MCTP2: variants seen among roughly 807,000 people sequenced by gnomAD.
The protein encoded by MCTP2 is multiple C2 and transmembrane domain containing 2, also known as multiple C2 and transmembrane domain-containing protein 2.
MCTP2 carries 132 observed loss-of-function variants against 111.6 expected under a neutral mutation model. The observed-to-expected ratio is 1.18, with a 90% CI of 1.03 to 1.37. The LOEUF (loss-of-function observed/expected upper bound fraction) is 1.37. Ranked by LOEUF, MCTP2 falls within the 40% of genes most tolerant of loss-of-function variation. MCTP2 has a pLI of 0.00. For missense variants in MCTP2, 1,183 were observed against 1,067.9 expected (o/e 1.11, Z -1.50); for synonymous variants, 395 against 387.7 (o/e 1.02, Z -0.22).
At chr15:94,266,756 C>T (rs1596225022) in intron 1 of MCTP2, among the ~76,000 whole-genome samples, 1 of 152,150 alleles carries the variant, frequency 6.6e-6, no homozygotes, top group Non-Finnish European at 1.5e-5. Context: ...TGGATCAGAC[C>T]CACCTTACCC....
At chr15:94,341,914 C>T (rs905724669) in intron 7 of MCTP2, 2 of 151,968 alleles carry the variant, frequency 1.3e-5, no homozygotes, top group Admixed American at 6.6e-5. Context: ...AGTATTTTTT[C>T]TCATCCCACC....
At chr15:94,247,620 G>A (rs1017787197) in intron 1 of MCTP2, among the ~76,000 whole-genome samples, 4 of 152,026 alleles carry the variant, frequency 2.6e-5, no homozygotes, top group South Asian at 2.1e-4. Context: ...CAGATAAAAC[G>A]GGCGCATCCT....
intron 10 of MCTP2, 49 bp downstream of exon 10, chr15:94,358,661 C>T: frequency 6.2e-7 from 1 of 1,601,672 alleles, no homozygotes; most frequent in Non-Finnish European, 8.5e-7. Flanking sequence ...CTGCATGGGG[C>T]TGGTTCTGAG....
At chr15:94,458,443 A>G (rs2084975386) in intron 20 of MCTP2, among the ~76,000 whole-genome samples, 197 bp downstream of exon 20, 1 of 152,218 alleles carries the variant, frequency 6.6e-6, no homozygotes, top group African/African-American at 2.4e-5. Flanking sequence ...AACTGGGGTG[A>G]CCATACGGCC....
In MCTP2 at chr15:94,243,576, C is replaced by T. The variant is rs540888871; in HGVS notation, c.-66+11912C>T. ...GCGTATATGCGTATGTACATACATACGTATGCGTATATTTGTATATGTATG... is the reference window on the plus strand; with the variant it reads ...GCGTATATGCGTATGTACATACATATGTATGCGTATATTTGTATATGTATG... On this transcript the variant is annotated intron_variant, in intron 1 of 22. Coordinates refer to ENST00000357742, the MANE Select transcript of MCTP2 (RefSeq NM_001385001.1). 6.7e-5 allele frequency among the ~76,000 whole-genome samples: 10 copies of T among 148,980 alleles called. 1 individual carries two copies. Among genetic ancestry groups the T allele is most frequent in the South Asian group, 2.1e-4 (1 of 4,786 alleles).
At chr15:94,315,917 C>T (rs1387425930) in intron 4 of MCTP2, among the ~76,000 whole-genome samples, 2 of 152,188 alleles carry the variant, frequency 1.3e-5, no homozygotes, top group Non-Finnish European at 2.9e-5. Flanking sequence ...TGGCCTATGG[C>T]AACTGTTCAA....
At chr15:94,455,326 G>A (rs2084752499) in intron 19 of MCTP2, among the ~76,000 whole-genome samples, 1 of 152,156 alleles carries the variant, frequency 6.6e-6, no homozygotes, top group Non-Finnish European at 1.5e-5. Flanking sequence ...AAATATTTGG[G>A]ATGAAGTATA....
At chr15:94,355,372 A>G (rs1048111053) in intron 8 of MCTP2, among the ~76,000 whole-genome samples, 1 of 152,236 alleles carries the variant, frequency 6.6e-6, no homozygotes, top group Non-Finnish European at 1.5e-5. Context: ...ATGTTTGAAA[A>G]TTTACATAGT....
intron 1 of MCTP2, among the ~76,000 whole-genome samples, chr15:94,245,731 T>C (rs967056706): frequency 6.7e-6 from 1 of 148,784 alleles, no homozygotes; most frequent in African/African-American, 2.5e-5. Context: ...TATATATATA[T>C]ATATCTATAT....
intron 17 of MCTP2, among the ~76,000 whole-genome samples, chr15:94,426,516 C>T (rs1447176294): frequency 6.6e-6 from 1 of 152,052 alleles, no homozygotes; most frequent in Non-Finnish European, 1.5e-5. Flanking sequence ...ATTTATTGAG[C>T]TCTTCATTTT....
At chr15:94,243,232 C>T (rs1451924805) in intron 1 of MCTP2, among the ~76,000 whole-genome samples, 2 of 148,614 alleles carry the variant, frequency 1.3e-5, no homozygotes, top group African/African-American at 4.9e-5. Context: ...CGTATGCGTA[C>T]ATACACATGC....
At chr15:94,385,619 GA>G (rs902536036) in intron 14 of MCTP2, 94 bp downstream of exon 14, 32 of 835,684 alleles carry the variant, frequency 3.8e-5, no homozygotes, top group Admixed American at 7.7e-5. Flanking sequence ...CAACCTGGGG[GA>G]AAAAAATCCT....
intron 1 of MCTP2, among the ~76,000 whole-genome samples, chr15:94,258,343 T>C (rs2072967967): frequency 6.6e-6 from 1 of 152,192 alleles, no homozygotes; most frequent in South Asian, 2.1e-4. Context: ...TTTCTAATTA[T>C]GAGTGACTCC....
intron 5 of MCTP2, 35 bp downstream of exon 5, chr15:94,339,467 T>A (rs2077524188): frequency 6.5e-7 from 1 of 1,529,720 alleles, no homozygotes; most frequent in African/African-American, 1.4e-5. Flanking sequence ...TGCTCCTTTA[T>A]TAAAAACATT....
intron 12 of MCTP2, among the ~76,000 whole-genome samples, chr15:94,379,815 A>C (rs1386571525): frequency 1.4e-5 from 2 of 141,674 alleles, no homozygotes; most frequent in African/African-American, 5.5e-5. Flanking sequence ...TAATTATATG[A>C]CATAATTATA....
chr15:94,350,210 T>C (rs2078229047), intron 8 of MCTP2, among the ~76,000 whole-genome samples: 2 of 152,204 alleles, frequency 1.3e-5, no homozygotes, highest in Non-Finnish European at 2.9e-5. Flanking sequence ...TTGGAGGCCA[T>C]GGCTCTGGCT....
intron 1 of MCTP2, among the ~76,000 whole-genome samples, chr15:94,256,175 G>A (rs1190691749): frequency 6.6e-6 from 1 of 152,114 alleles, no homozygotes; most frequent in East Asian, 1.9e-4. Context: ...TCAAAATGCA[G>A]CCGAAACTTT....
chr15:94,232,301 T>C (rs927862714), intron 1 of MCTP2, among the ~76,000 whole-genome samples: 1 of 152,168 alleles, frequency 6.6e-6, no homozygotes, highest in African/African-American at 2.4e-5. Flanking sequence ...TGGGTTGCCA[T>C]AAAAGAGGTT....
intron 4 of MCTP2, among the ~76,000 whole-genome samples, chr15:94,322,985 C>G (rs1341842067): frequency 2.0e-5 from 3 of 152,216 alleles, no homozygotes; most frequent in Non-Finnish European, 4.4e-5. Context: ...TTCCCTGTCT[C>G]TGCTGTGATG....
Sources: allele counts gnomAD v4.1 joint callset (sites outside exome capture counted in the v4.1 genomes callset), GRCh38; gene constraint gnomAD v4.1.1; transcripts MANE v1.5; gene names NCBI Gene and HGNC (gene_info 2026-07-23, HGNC 2026-07-21).